The following LMAN2L variants were observed in gnomAD, a reference collection of about 807,000 sequenced individuals.
LMAN2L encodes the protein lectin, mannose binding 2 like, also known as VIP36-like protein.
In LMAN2L, 30 loss-of-function variants were observed where a neutral mutation model predicts 44.3. That is an observed-to-expected ratio of 0.68 (90% CI 0.51 to 0.92). The LOEUF is 0.92. Ranked by LOEUF, LMAN2L falls within the 40% of genes least tolerant of loss-of-function variation. The probability of loss-of-function intolerance (pLI) is 0.00; values close to 1 mark genes in which losing one functional copy is unlikely to be tolerated. For synonymous variants in LMAN2L, 183 were observed against 171.1 expected, an observed-to-expected ratio of 1.07 and a Z score of -0.54; for missense variants, 429 against 446.1, an observed-to-expected ratio of 0.96 and a Z score of 0.35.
At chr2:96,733,342 G>A (rs2078446108) in intron 4 of LMAN2L, among the ~76,000 whole-genome samples, 177 bp downstream of exon 4, 1 of 152,230 alleles carries the variant, frequency 6.6e-6, no homozygotes, top group East Asian at 1.9e-4. Context: ...CCAAAAGACT[G>A]TGCACTCCTA....
chr2:96,725,039 C>G (rs1053140401), intron 4 of LMAN2L, among the ~76,000 whole-genome samples: 1 of 151,846 alleles, frequency 6.6e-6, no homozygotes, highest in Non-Finnish European at 1.5e-5. Flanking sequence ...CACCGTGTTA[C>G]CCAGGATGGT....
At chr2:96,734,688 TA>T (rs1322003204) in intron 2 of LMAN2L, 162 bp from the exon 3 acceptor site, 2 of 608,272 alleles carry the variant, frequency 3.3e-6, no homozygotes, top group Non-Finnish European at 5.9e-6. Context: ...GTCATAAAAT[TA>T]AACGGATTGA....
intron 4 of LMAN2L, among the ~76,000 whole-genome samples, chr2:96,722,403 A>AGACAGT (rs1398029487): frequency 7.9e-5 from 12 of 151,292 alleles, no homozygotes; most frequent in Non-Finnish European, 1.5e-4. Flanking sequence ...GGGTGATGGG[A>AGACAGT]GACAGTGACA....
intron 6 of LMAN2L, among the ~76,000 whole-genome samples, chr2:96,708,170 T>G (rs1333663236): frequency 2.0e-5 from 3 of 152,240 alleles, no homozygotes; most frequent in Non-Finnish European, 4.4e-5. Context: ...TTTGATCTTT[T>G]CCCAGGCTAG....
intron 1 of LMAN2L, among the ~76,000 whole-genome samples, chr2:96,738,742 C>CT (rs1198674962): frequency 0.014 from 2,068 of 146,072 alleles, 36 homozygotes; most frequent in African/African-American, 0.046. Flanking sequence ...CACATTCTTC[C>CT]TTTTTTTTTT....
rs1214158475 is a variant in LMAN2L at position 96,733,572 on chromosome 2, C to A, written c.454G>T (p.Val152Leu). 4 of 1,613,908 alleles carry A rather than the reference C, an allele frequency of 2.5e-6. No individual in the cohort carries two copies. The highest frequency in any genetic ancestry group is 4.5e-5 in the East Asian group (2 of 44,874). Residue 152 changes from valine to leucine, a missense_variant, in exon 4 of 8, where the codon GTG becomes TTG. By Grantham distance (32) the Val-to-Leu change is conservative. Transcript: ENST00000264963. ...GTGTCTACAAATACTCCCAGCCCCA[C>A]AAATTTGTCCATGTTTCCAAACACA... ...GPVFGNMDKF[V>L]GLGVFVDTYP...
chr2:96,729,149 G>T (rs961322690), intron 4 of LMAN2L, among the ~76,000 whole-genome samples: 6 of 151,804 alleles, frequency 4.0e-5, no homozygotes, highest in Non-Finnish European at 8.8e-5. Context: ...TCCAGCCTGG[G>T]CGACAGAGCA....
intron 4 of LMAN2L, among the ~76,000 whole-genome samples, chr2:96,730,265 T>C (rs2078364770): frequency 6.6e-6 from 1 of 152,040 alleles, no homozygotes; most frequent in Non-Finnish European, 1.5e-5. Flanking sequence ...CTTATTCAGA[T>C]CCATTTCTAA....
At chr2:96,726,643 G>C (rs1201204031) in intron 4 of LMAN2L, among the ~76,000 whole-genome samples, 1 of 151,932 alleles carries the variant, frequency 6.6e-6, no homozygotes, top group Non-Finnish European at 1.5e-5. Context: ...ACTTAGCTGG[G>C]AGTGGTGGTG....
At chr2:96,715,340 G>T (rs1278165638) in intron 4 of LMAN2L, among the ~76,000 whole-genome samples, 1 of 152,236 alleles carries the variant, frequency 6.6e-6, no homozygotes, top group African/African-American at 2.4e-5. Flanking sequence ...CAACTACAGA[G>T]AATCTGTCTA....
intron 4 of LMAN2L, among the ~76,000 whole-genome samples, chr2:96,728,938 T>C (rs1412692213): frequency 6.6e-6 from 1 of 151,264 alleles, no homozygotes; most frequent in Non-Finnish European, 1.5e-5. Context: ...TTTGGGAGGC[T>C]AAGGTGGGCA....
In LMAN2L at chr2:96,739,952, A is replaced by T; in HGVS notation, c.89T>A (p.Leu30His). The change falls in exon 1 of 8, where the codon CTT becomes CAT. Residue 30 changes from leucine (L) to histidine (H), a missense_variant. Physicochemically the swap from Leu to His is moderately conservative, Grantham distance 99. Transcript: ENST00000264963. ...CCCCTGCCCAGACCCCAACAAAAGA[A>T]GAAGGAGTAACATCCTGGACCCATC... ...ARDGSRMLLL[L>H]LLLGSGQGPQ... 2 of 1,614,064 alleles carry T rather than the reference A, an allele frequency of 1.2e-6. No individual in the cohort carries two copies. Among genetic ancestry groups the T allele is most frequent in the Non-Finnish European group, 1.7e-6 (2 of 1,180,032 alleles).
At chr2:96,721,654 G>GT (rs2078158748) in intron 4 of LMAN2L, among the ~76,000 whole-genome samples, 1 of 150,814 alleles carries the variant, frequency 6.6e-6, no homozygotes, top group Non-Finnish European at 1.5e-5. Context: ...AATTTTTTTT[G>GT]TTTTTTGTAA....
chr2:96,713,046 A>G, intron 4 of LMAN2L: 1 of 1,451,654 alleles, frequency 6.9e-7, no homozygotes. Flanking sequence ...TGAAACAGCA[A>G]CAAATGTTGG....
intron 1 of LMAN2L, among the ~76,000 whole-genome samples, chr2:96,739,069 AGTGTGAAG>A: frequency 6.6e-6 from 1 of 152,202 alleles, no homozygotes; most frequent in Admixed American, 6.5e-5. Context: ...CAATCCTTAA[AGTGTGAAG>A]CTACTCCCTG....
At position 96,712,010 on chromosome 2, in the gene LMAN2L, T is replaced by A; in HGVS notation, c.523A>T (p.Ile175Phe). ...GAGCCGTTGTTCACCATGGCTGAGATGTAGGGGAATACCCGCTGGAAAGCA... is the reference window on the plus strand; with the variant it reads ...GAGCCGTTGTTCACCATGGCTGAGAAGTAGGGGAATACCCGCTGGAAAGCA... Reference protein sequence around the residue: ...EKQQERVFPYISAMVNNGSLS... With the variant: ...EKQQERVFPYFSAMVNNGSLS... Residue 175 changes from isoleucine to phenylalanine, a missense_variant, in exon 5 of 8, where the codon ATC (isoleucine) becomes TTC (phenylalanine). Transcript: ENST00000264963. 6.2e-7 allele frequency: 1 copy of A among 1,614,134 alleles called. No homozygotes were observed. The highest frequency in any genetic ancestry group is 8.5e-7 in the Non-Finnish European group (1 of 1,180,026).
chr2:96,715,087 C>T (rs971291921), intron 4 of LMAN2L, among the ~76,000 whole-genome samples: 2 of 152,038 alleles, frequency 1.3e-5, no homozygotes, highest in Non-Finnish European at 2.9e-5. Flanking sequence ...TACAGGCGCT[C>T]GCCACCATGC....
At chr2:96,738,894 C>T (rs1455038470) in intron 1 of LMAN2L, among the ~76,000 whole-genome samples, 1 of 152,116 alleles carries the variant, frequency 6.6e-6, no homozygotes, top group Non-Finnish European at 1.5e-5. Flanking sequence ...GCGCCCGCCA[C>T]CACACCTGGC....
At chr2:96,713,027 A>G in intron 4 of LMAN2L, 1 of 1,265,930 alleles carries the variant, frequency 7.9e-7, no homozygotes, top group South Asian at 1.3e-5. Context: ...TGAGACAACC[A>G]CATGGACTTG....
Sources: gnomAD v4.1 joint callset for allele counts (sites outside exome capture counted in the v4.1 genomes callset) on GRCh38, gnomAD v4.1.1 for gene constraint, MANE v1.5 for transcripts, NCBI Gene and HGNC (gene_info 2026-07-23, HGNC 2026-07-21) for gene names.